Variants in MRPL13 observed in about 807,000 individuals in gnomAD.
MRPL13 encodes the protein large ribosomal subunit protein uL13m.
Under a neutral mutation model 29.0 loss-of-function variants are expected in MRPL13, and 33 were observed. The ratio of observed to expected loss-of-function variants is 1.14; its 90% CI spans 0.86 to 1.52. The LOEUF (loss-of-function observed/expected upper bound fraction) is 1.52. Ranked by LOEUF, MRPL13 falls within the 40% of genes most tolerant of loss-of-function variation. The pLI is 0.00. For synonymous variants in MRPL13, 77 were observed against 68.4 expected (o/e 1.13, Z -0.62); for missense variants, 227 against 216.7 (o/e 1.05, Z -0.30).
intron 6 of MRPL13, among the ~76,000 whole-genome samples, chr8:120,396,704 A>T (rs987481423): frequency 6.6e-6 from 1 of 152,224 alleles, no homozygotes; most frequent in African/African-American, 2.4e-5. Flanking sequence ...AATTAAAAAA[A>T]TTTTTCAGAA....
chr8:120,398,081 T>C (rs529795187), intron 6 of MRPL13, among the ~76,000 whole-genome samples: 8 of 152,228 alleles, frequency 5.3e-5, no homozygotes, highest in African/African-American at 1.4e-4. Flanking sequence ...CTCTGGACAG[T>C]TGAAGCAGTC....
At chr8:120,441,028 T>C (rs1813117765) in intron 2 of MRPL13, among the ~76,000 whole-genome samples, 1 of 151,950 alleles carries the variant, frequency 6.6e-6, no homozygotes, top group Admixed American at 6.6e-5. Context: ...TGTGAGTGTA[T>C]ATATATATGT....
intron 1 of MRPL13, among the ~76,000 whole-genome samples, chr8:120,444,571 C>G (rs1398014643): frequency 6.6e-6 from 1 of 152,204 alleles, no homozygotes; most frequent in African/African-American, 2.4e-5. Context: ...ACCATCACGT[C>G]TCGCCTGGAT....
At chr8:120,428,649 CA>C (rs1193492740) in intron 3 of MRPL13, among the ~76,000 whole-genome samples, 3 of 151,898 alleles carry the variant, frequency 2.0e-5, no homozygotes, top group Admixed American at 6.6e-5. Flanking sequence ...GAAGAAAAAA[CA>C]AACCCCATTA....
chr8:120,421,524 G>A (rs1054488417), intron 4 of MRPL13, among the ~76,000 whole-genome samples: 5 of 151,876 alleles, frequency 3.3e-5, no homozygotes, highest in Non-Finnish European at 7.4e-5. Flanking sequence ...TCTACTGGCA[G>A]AGGCCTACTA....
In MRPL13 at chr8:120,443,313, G is replaced by A; in HGVS notation, c.28-5C>T. 6.8e-7 allele frequency: 1 copy of A among 1,469,836 alleles called. No homozygotes were observed. The highest frequency in any genetic ancestry group is 1.7e-5 in the African/African-American group (1 of 59,124). 91.0% of individuals were successfully genotyped at this position (1,469,836 alleles called of 1,614,324 possible). A position where few individuals can be genotyped will look rare whatever the true frequency, so the allele number is the denominator to read the frequency against. ...TCTAGCAAAAGTGGCCCATTGCTTG[G>A]GGGGGAAAAAAAAAAAAAAGAAGAG... is the stretch of plus-strand genomic sequence containing the variant. On this transcript the variant is annotated splice_polypyrimidine_tract_variant and splice_region_variant and intron_variant, in intron 1 of 6. Transcript: ENST00000306185.
chr8:120,419,648 G>A lies in MRPL13; in HGVS notation c.393+204C>T, dbSNP rs1462696045. ...TTTAAAAACTTACTTTTAATTTTTA[G>A]TCCAATGATGGTTCATTTTACATTT... On this transcript the variant is annotated intron_variant, in intron 5 of 6. Transcript: ENST00000306185. 3.3e-5 allele frequency: 11 copies of A among 337,668 alleles called. No homozygotes were observed. In the East Asian group the frequency reaches 5.2e-4, roughly 16 times the overall value. 20.9% of individuals were successfully genotyped at this position (337,668 alleles called of 1,614,324 possible).
chr8:120,420,153 G>A (rs1227835809), intron 4 of MRPL13, among the ~76,000 whole-genome samples: 3 of 151,522 alleles, frequency 2.0e-5, no homozygotes, highest in Non-Finnish European at 4.4e-5. Context: ...TGTTTATTTA[G>A]AAAAAGAAAA....
At chr8:120,405,852 T>C (rs547863451) in intron 6 of MRPL13, among the ~76,000 whole-genome samples, 1 of 152,310 alleles carries the variant, frequency 6.6e-6, no homozygotes, top group East Asian at 1.9e-4. Flanking sequence ...ATTAAATAGT[T>C]TTTAAAAACA....
In MRPL13 at chr8:120,395,850, A is replaced by G. The variant is rs1812516433; in HGVS notation, c.*254T>C. 5.6e-6 allele frequency: 2 copies of G among 356,772 alleles called. No individual in the cohort carries two copies. Among genetic ancestry groups the G allele is most frequent in the Admixed American group, 4.7e-5 (1 of 21,410 alleles). 22.1% of individuals were successfully genotyped at this position (356,772 alleles called of 1,614,324 possible). A position where few individuals can be genotyped will look rare whatever the true frequency, so the allele number is the denominator to read the frequency against. ...CATTAAATGCAACACTAAATAGTCA[A>G]CCAAGTAAGTGATTTTATTATTATC... On this transcript the variant is annotated 3_prime_UTR_variant, in exon 7 of 7. Coordinates refer to ENST00000306185, the MANE Select transcript of MRPL13 (RefSeq NM_014078.6).
Position 120,432,068 on chromosome 8 carries a change from T to G in MRPL13, c.207A>C (p.Gly69=). 6.2e-7 allele frequency: 1 copy of G among 1,609,698 alleles called. No individual in the cohort carries two copies. Among genetic ancestry groups the G allele is most frequent in the Non-Finnish European group, 8.5e-7 (1 of 1,177,904 alleles). ...IMNTRHIAFS[G]NKWEQKVYSS... ...AGTATACTTTTTGTTCCCATTTGTT[T>G]CCAGAAAATGCAATGTGTCTTGTGT... The change falls in exon 3 of 7, where the codon GGA becomes GGC. Residue 69 remains glycine, a synonymous_variant. Transcript: ENST00000306185.
intron 3 of MRPL13, 46 bp from the exon 4 acceptor site, chr8:120,425,412 T>C: frequency 7.7e-7 from 1 of 1,306,594 alleles, no homozygotes. Context: ...AGGCTGATAC[T>C]GTATTCTTAA....
intron 6 of MRPL13, among the ~76,000 whole-genome samples, chr8:120,407,352 C>T (rs559136259): frequency 3.4e-4 from 52 of 152,216 alleles, no homozygotes; most frequent in Non-Finnish European, 6.6e-4. Context: ...ATGGTTTATG[C>T]TACATTAAGA....
intron 6 of MRPL13, among the ~76,000 whole-genome samples, chr8:120,398,473 A>G (rs1238272407): frequency 6.6e-6 from 1 of 152,212 alleles, no homozygotes. Context: ...TCAACAAAAA[A>G]GACCCCACAA....
intron 4 of MRPL13, among the ~76,000 whole-genome samples, chr8:120,420,389 A>G (rs1812855386): frequency 6.7e-6 from 1 of 150,012 alleles, no homozygotes; most frequent in South Asian, 2.1e-4. Context: ...TACATTTTCC[A>G]TCTATTTTCT....
intron 5 of MRPL13, among the ~76,000 whole-genome samples, chr8:120,417,669 C>T (rs1439121918): frequency 6.6e-6 from 1 of 152,134 alleles, no homozygotes; most frequent in African/African-American, 2.4e-5. Context: ...CTAAAGCTGG[C>T]TCCATGTTCC....
intron 2 of MRPL13, among the ~76,000 whole-genome samples, chr8:120,442,865 G>A (rs920186662): frequency 1.3e-5 from 2 of 152,056 alleles, no homozygotes; most frequent in African/African-American, 2.4e-5. Context: ...ATGTCATCAC[G>A]TGAAAAGACA....
Position 120,428,668 on chromosome 8 carries a change from G to C in MRPL13, c.246-3302C>G, listed in dbSNP as rs184594204. Among the ~76,000 whole-genome samples the C allele has an allele frequency of 5.0e-3, 763 of 152,068 alleles. 10 individuals are homozygous for C. The highest frequency in any genetic ancestry group is 0.017 in the African/African-American group (722 of 41,470). On this transcript the variant is annotated intron_variant, in intron 3 of 6. Coordinates refer to ENST00000306185, the MANE Select transcript of MRPL13 (RefSeq NM_014078.6). ...AAAAAACAAACCCCATTAAAAAGTGGGCAAAGGACAGGAACATACCCTTTC... is the reference window on the plus strand; with the variant it reads ...AAAAAACAAACCCCATTAAAAAGTGCGCAAAGGACAGGAACATACCCTTTC...
At chr8:120,425,252 A>G in intron 4 of MRPL13, 54 bp downstream of exon 4, 13 of 1,342,414 alleles carry the variant, frequency 9.7e-6, no homozygotes, top group Non-Finnish European at 1.4e-5. Context: ...CTGACAAAAC[A>G]GTATCTGAAT....
Sources: gnomAD v4.1 joint callset for allele counts (sites outside exome capture counted in the v4.1 genomes callset) on GRCh38, gnomAD v4.1.1 for gene constraint, MANE v1.5 for transcripts, NCBI Gene and HGNC (gene_info 2026-07-23, HGNC 2026-07-21) for gene names.